SNX30: variants seen among roughly 807,000 people sequenced by gnomAD.
The protein encoded by SNX30 is sorting nexin family member 30.
In SNX30, 24 loss-of-function variants were observed where a neutral mutation model predicts 46.4. The ratio of observed to expected loss-of-function variants is 0.52; its 90% CI spans 0.37 to 0.73. SNX30 has a LOEUF of 0.73. Among genes scored for constraint, SNX30 ranks in the 30% least tolerant of loss-of-function variants. SNX30 has a pLI of 0.00. For missense variants in SNX30, 533 were observed against 555.7 expected, an observed-to-expected ratio of 0.96 and a Z score of 0.41; for synonymous variants, 189 against 211.5, an observed-to-expected ratio of 0.89 and a Z score of 0.92.
At chr9:112,781,278 A>T (rs984776249) in intron 1 of SNX30, among the ~76,000 whole-genome samples, 5 of 152,182 alleles carry the variant, frequency 3.3e-5, no homozygotes, top group Non-Finnish European at 7.4e-5. Context: ...TAATTTGTTC[A>T]TTTTTGTAGT....
chr9:112,833,221 A>G (rs1256582916), intron 4 of SNX30, among the ~76,000 whole-genome samples: 1 of 152,026 alleles, frequency 6.6e-6, no homozygotes, highest in Non-Finnish European at 1.5e-5. Flanking sequence ...CAGCTGCCTC[A>G]TTTTTTCCTT....
intron 1 of SNX30, among the ~76,000 whole-genome samples, chr9:112,790,508 A>C (rs180976398): frequency 1.4e-3 from 209 of 152,274 alleles, no homozygotes; most frequent in Middle Eastern, 3.4e-3. Flanking sequence ...AGCTGGTGGA[A>C]GCATGCGTTG....
intron 5 of SNX30, 57 bp from the exon 6 acceptor site, chr9:112,838,441 G>A (rs1053884680): frequency 6.8e-7 from 1 of 1,470,032 alleles, no homozygotes. Flanking sequence ...TACTGAGTCA[G>A]TAATAGCAGC....
chr9:112,808,390 G>C (rs1840263813), intron 2 of SNX30, among the ~76,000 whole-genome samples: 1 of 152,196 alleles, frequency 6.6e-6, no homozygotes, highest in African/African-American at 2.4e-5. Flanking sequence ...TGTAGGCAAA[G>C]AATTATCCAC....
rs143728874 is a variant in SNX30 at position 112,834,667 on chromosome 9, A to G, written c.619-1547A>G. 6.4e-3 allele frequency among the ~76,000 whole-genome samples: 977 copies of G among 152,194 alleles called. 15 individuals are homozygous for G. The highest frequency in any genetic ancestry group is 0.022 in the African/African-American group (926 of 41,520). On this transcript the variant is annotated intron_variant, in intron 4 of 8. Transcript: ENST00000374232. ...CAGGGTGTAGGGAGGGACCTTAGTC[A>G]GAAAGGCTGGGGAAGATTCGAGTCC... is the stretch of plus-strand genomic sequence containing the variant.
chr9:112,813,408 G>C (rs1262755480), intron 2 of SNX30, among the ~76,000 whole-genome samples: 1 of 151,772 alleles, frequency 6.6e-6, no homozygotes, highest in Non-Finnish European at 1.5e-5. Flanking sequence ...GAGCCCAGGA[G>C]TTTGAGGCTA....
chr9:112,838,420 G>A, intron 5 of SNX30, 78 bp from the exon 6 acceptor site: 2 of 1,240,680 alleles, frequency 1.6e-6, no homozygotes, highest in South Asian at 1.4e-5. Context: ...AGAGCTCTTG[G>A]CTGTGGTGAT....
Position 112,817,688 on chromosome 9 carries a change from C to T in SNX30, c.349-17C>T, listed in dbSNP as rs753264490. The T allele has an allele frequency of 1.2e-5, 17 of 1,460,292 alleles. No homozygotes were observed. The East Asian group carries it at 3.2e-4, about 27-fold the overall frequency. The allele number at this position is 1,460,292 out of a possible 1,614,324, so 90.5% of individuals were successfully genotyped here. On this transcript the variant is annotated splice_polypyrimidine_tract_variant and intron_variant, in intron 2 of 8. Coordinates refer to ENST00000374232, the MANE Select transcript of SNX30 (RefSeq NM_001012994.2). ...CTATTCCCTTATGCTTATTTTTTTC[C>T]ATTCTCTTCTTTGCAGAGTACTCGG...
intron 1 of SNX30, among the ~76,000 whole-genome samples, chr9:112,788,307 C>T (rs1839963434): frequency 6.6e-6 from 1 of 151,988 alleles, no homozygotes; most frequent in African/African-American, 2.4e-5. Context: ...CTCAAAATGC[C>T]GTTTTCTTGG....
intron 1 of SNX30, among the ~76,000 whole-genome samples, chr9:112,766,852 C>A (rs1839545894): frequency 6.6e-6 from 1 of 152,130 alleles, no homozygotes; most frequent in Non-Finnish European, 1.5e-5. Flanking sequence ...TTTCTTAACC[C>A]ATTTTTCTGA....
chr9:112,778,564 G>A (rs376230458), intron 1 of SNX30, among the ~76,000 whole-genome samples: 31 of 152,258 alleles, frequency 2.0e-4, no homozygotes, highest in African/African-American at 6.3e-4. Context: ...GAGCCACTGC[G>A]CCCGGCCCGG....
intron 6 of SNX30, among the ~76,000 whole-genome samples, chr9:112,842,551 T>C (rs1158981855): frequency 6.6e-6 from 1 of 152,218 alleles, no homozygotes. Flanking sequence ...TCTTTCTCAT[T>C]TGCTCATTGT....
At chr9:112,808,371 G>T (rs1198869461) in intron 2 of SNX30, among the ~76,000 whole-genome samples, 1 of 152,230 alleles carries the variant, frequency 6.6e-6, no homozygotes, top group Admixed American at 6.5e-5. Context: ...AGTGAAGGCT[G>T]ACAGCCAATG....
exon 6 of SNX30, chr9:112,881,649 A>C (rs576960304): frequency 6.6e-6 from 1 of 152,362 alleles, no homozygotes; most frequent in Admixed American, 6.5e-5. Context: ...CAGGGCATGC[A>C]TTCATTAAAC....
intron 6 of SNX30, among the ~76,000 whole-genome samples, chr9:112,846,962 C>T (rs909364167): frequency 1.3e-5 from 2 of 152,174 alleles, no homozygotes; most frequent in African/African-American, 4.8e-5. Context: ...CTGTGCTTTC[C>T]CGTAGATGCC....
At chr9:112,788,404 T>C (rs997164756) in intron 1 of SNX30, among the ~76,000 whole-genome samples, 1 of 152,140 alleles carries the variant, frequency 6.6e-6, no homozygotes, top group African/African-American at 2.4e-5. Flanking sequence ...CACAGAAACA[T>C]GTCAATGAGA....
intron 1 of SNX30, among the ~76,000 whole-genome samples, chr9:112,755,683 T>C (rs1306193488): frequency 6.6e-6 from 1 of 151,690 alleles, no homozygotes; most frequent in Non-Finnish European, 1.5e-5. Context: ...AAAATAAAAA[T>C]CTACTGGCTC....
intron 6 of SNX30, among the ~76,000 whole-genome samples, chr9:112,844,049 T>G (rs1840901036): frequency 2.0e-5 from 3 of 151,930 alleles, no homozygotes; most frequent in African/African-American, 4.8e-5. Flanking sequence ...ATGAGAGTGG[T>G]GATTGGGAAG....
At chr9:112,836,569 G>A (rs1179249053) in intron 5 of SNX30, among the ~76,000 whole-genome samples, 160 bp downstream of exon 5, 1 of 152,230 alleles carries the variant, frequency 6.6e-6, no homozygotes, top group African/African-American at 2.4e-5. Context: ...AGTTACTTGT[G>A]ACTGGAATGT....
Sources: allele counts gnomAD v4.1 joint callset (sites outside exome capture counted in the v4.1 genomes callset), GRCh38; gene constraint gnomAD v4.1.1; transcripts MANE v1.5; gene names NCBI Gene and HGNC (gene_info 2026-07-23, HGNC 2026-07-21).